The following PCDHGB7 variants were observed in gnomAD, a reference collection of about 807,000 sequenced individuals.
PCDHGB7 encodes protocadherin gamma-B7.
In PCDHGB7, 37 loss-of-function variants were observed where a neutral mutation model predicts 61.4. The ratio of observed to expected loss-of-function variants is 0.60; its 90% CI spans 0.46 to 0.79. PCDHGB7 has a LOEUF of 0.79. Ranked by LOEUF, PCDHGB7 falls within the 30% of genes least tolerant of loss-of-function variation. The pLI, the probability that PCDHGB7 is intolerant of heterozygous loss-of-function variation, is 0.00. For synonymous variants in PCDHGB7, 464 were observed against 503.5 expected (o/e 0.92, Z 1.05); for missense variants, 1,166 against 1,202.5 (o/e 0.97, Z 0.45).
chr5:141,441,840 C>T (rs2098278154), intron 1 of PCDHGB7: 1 of 355,864 alleles, frequency 2.8e-6, no homozygotes, highest in Non-Finnish European at 5.5e-6. Flanking sequence ...GCTTCGCGCT[C>T]TTGGATATGG....
Position 141,487,910 on chromosome 5 carries a change from C to T in PCDHGB7, c.2416-6897C>T, listed in dbSNP as rs2099668803. The T allele has an allele frequency of 3.0e-6, 2 of 661,468 alleles. No individual in the cohort carries two copies. Among genetic ancestry groups the T allele is most frequent in the Non-Finnish European group, 5.1e-6 (2 of 388,904 alleles). The allele number at this position is 661,468 out of a possible 1,614,324, so 41.0% of individuals were successfully genotyped here. ...AGCATGATGATGGAATGTGGGAGCA[C>T]AGGAGGCTACAGTGCACAGGGTACA... On this transcript the variant is annotated intron_variant, in intron 1 of 3. Transcript: ENST00000398594. The surrounding 1 kb of genome is among the most constrained non-coding windows in gnomAD (Gnocchi z 5.0).
chr5:141,455,006 G>A (rs1194194759), intron 1 of PCDHGB7, among the ~76,000 whole-genome samples: 2 of 150,910 alleles, frequency 1.3e-5, no homozygotes, highest in Non-Finnish European at 3.0e-5. Flanking sequence ...TAGAGACGGG[G>A]TTTCACCGTG....
chr5:141,433,837 C>CAAA lies in PCDHGB7; in HGVS notation c.2415+13579_2415+13581dup, dbSNP rs56191208. The stretch of plus-strand genomic sequence containing the variant: ...GGGCAACAAGAGTGAAACTCTATCT[C>CAAA]AAAAAAAAAAAAAAAAAACTTTATC... On this transcript the variant is annotated intron_variant, in intron 1 of 3. Transcript: ENST00000398594. 4.3e-3 allele frequency among the ~76,000 whole-genome samples: 475 copies of CAAA among 111,672 alleles called. 6 individuals carry two copies. The highest frequency in any genetic ancestry group is 0.013 in the African/African-American group (431 of 32,292). The allele number at this position is 111,672 out of a possible 152,430, so 73.3% of individuals were successfully genotyped here.
intron 1 of PCDHGB7, among the ~76,000 whole-genome samples, chr5:141,450,375 A>G (rs1338336573): frequency 1.3e-5 from 2 of 152,166 alleles, no homozygotes; most frequent in Non-Finnish European, 2.9e-5. Context: ...GTTTGTTTAT[A>G]TGAAACTGAC....
intron 1 of PCDHGB7, chr5:141,422,941 G>A (rs777535652): frequency 9.9e-6 from 16 of 1,614,218 alleles, no homozygotes; most frequent in East Asian, 4.5e-5. Context: ...CCCCACAGAC[G>A]GCTCCACTGG....
rs775331499 is a variant in PCDHGB7 at position 141,422,779 on chromosome 5, C to T, written c.2415+2505C>T. The T allele has an allele frequency of 8.7e-6, 14 of 1,614,070 alleles. No homozygotes were observed. In the East Asian group the frequency reaches 2.9e-4, roughly 33 times the overall value. ...CTCCAACACTGGTGTTCTCTATGCC[C>T]TACAATCCTTCGACTATGAGCAGTT... On this transcript the variant is annotated intron_variant, in intron 1 of 3. Transcript: ENST00000398594.
chr5:141,427,469 C>T lies in PCDHGB7; in HGVS notation c.2415+7195C>T, dbSNP rs116302471. The T allele has an allele frequency of 9.8e-3, 5,010 of 510,088 alleles. 35 individuals are homozygous for T. Among genetic ancestry groups the T allele is most frequent in the Non-Finnish European group, 0.012 (3,225 of 262,464 alleles). 31.6% of individuals were successfully genotyped at this position (510,088 alleles called of 1,614,324 possible). A position where few individuals can be genotyped will look rare whatever the true frequency, so the allele number is the denominator to read the frequency against. On this transcript the variant is annotated intron_variant, in intron 1 of 3. Coordinates refer to ENST00000398594, the MANE Select transcript of PCDHGB7 (RefSeq NM_018927.4). Reference sequence around the variant, plus strand: ...GAGTTCCTTTTAGAATCGAATCTTCCGCCAATAATGACTATAAGCTTGTAA... The same window carrying T: ...GAGTTCCTTTTAGAATCGAATCTTCTGCCAATAATGACTATAAGCTTGTAA...
chr5:141,485,935 C>A lies in PCDHGB7; in HGVS notation c.2416-8872C>A. The stretch of plus-strand genomic sequence containing the variant: ...GCTACAGGATTAGTGTGTTGGAGAG[C>A]GCACCAGCGGGCATGGTGCTCATCC... On this transcript the variant is annotated intron_variant, in intron 1 of 3. Coordinates refer to ENST00000398594, the MANE Select transcript of PCDHGB7 (RefSeq NM_018927.4). This position sits in a 1 kb window ranked among gnomAD's most constrained non-coding sequence, Gnocchi z 5.7. The A allele has an allele frequency of 3.1e-6, 5 of 1,614,144 alleles. No homozygotes were observed. Among genetic ancestry groups the A allele is most frequent in the Non-Finnish European group, 3.4e-6 (4 of 1,180,030 alleles).
At chr5:141,450,815 A>ATTAT (rs1554136868) in intron 1 of PCDHGB7, among the ~76,000 whole-genome samples, 98 of 126,742 alleles carry the variant, frequency 7.7e-4, no homozygotes, top group African/African-American at 3.1e-3. Flanking sequence ...TATTTATTTA[A>ATTAT]TATTATTATT....
At chr5:141,473,548 C>A (rs1158305951) in intron 1 of PCDHGB7, among the ~76,000 whole-genome samples, 3 of 152,118 alleles carry the variant, frequency 2.0e-5, no homozygotes, top group South Asian at 2.1e-4. Context: ...TAATGGAAGA[C>A]CTCTATTAGG....
Position 141,489,753 on chromosome 5 carries a change from T to A in PCDHGB7, c.2416-5054T>A, listed in dbSNP as rs549652158. On this transcript the variant is annotated intron_variant, in intron 1 of 3. Transcript: ENST00000398594. The surrounding 1 kb of genome is among the most constrained non-coding windows in gnomAD (Gnocchi z 4.5). ...GCACCAATACTGTGAGCTTTTACAC[T>A]CTAAGCCCCAACAGCCACTTCTCTC... 6.2e-7 allele frequency: 1 copy of A among 1,614,070 alleles called. No homozygotes were observed. The highest frequency in any genetic ancestry group is 2.2e-5 in the East Asian group (1 of 44,866).
At chr5:141,430,149 C>T (rs1051033560) in intron 1 of PCDHGB7, among the ~76,000 whole-genome samples, 4 of 151,968 alleles carry the variant, frequency 2.6e-5, no homozygotes, top group African/African-American at 9.7e-5. Flanking sequence ...CAGGATCATT[C>T]AAGGAATCTA....
chr5:141,491,580 G>A lies in PCDHGB7; in HGVS notation c.2416-3227G>A. 6.2e-7 allele frequency: 1 copy of A among 1,613,942 alleles called. No individual in the cohort carries two copies. Among genetic ancestry groups the A allele is most frequent in the Non-Finnish European group, 8.5e-7 (1 of 1,180,044 alleles). ...ACTGCTACAGGACGTGCTTTTCACC[G>A]GCCTCGGACGGCAGTGACTTCACTT... is the stretch of plus-strand genomic sequence containing the variant. On this transcript the variant is annotated intron_variant, in intron 1 of 3. Coordinates refer to ENST00000398594, the MANE Select transcript of PCDHGB7 (RefSeq NM_018927.4). The surrounding 1 kb of genome is among the most constrained non-coding windows in gnomAD (Gnocchi z 6.9).
At chr5:141,433,358 C>CCTAA (rs1554125965) in intron 1 of PCDHGB7, 1 of 503,368 alleles carries the variant, frequency 2.0e-6, no homozygotes, top group Non-Finnish European at 3.5e-6. Flanking sequence ...CTACTGTCTG[C>CCTAA]CTATCTATCT....
At position 141,487,886 on chromosome 5, in the gene PCDHGB7, G is replaced by A. The variant is rs1208779156; in HGVS notation, c.2416-6921G>A. On this transcript the variant is annotated intron_variant, in intron 1 of 3. Transcript: ENST00000398594. This position sits in a 1 kb window ranked among gnomAD's most constrained non-coding sequence, Gnocchi z 5.0. ...GATCAAGAGCCAGGCTGTTGTGGAA[G>A]CATGATGATGGAATGTGGGAGCACA... is the stretch of plus-strand genomic sequence containing the variant. 1.3e-6 allele frequency: 1 copy of A among 751,316 alleles called. No individual in the cohort carries two copies. The highest frequency in any genetic ancestry group is 2.1e-6 in the Non-Finnish European group (1 of 467,526). The allele number at this position is 751,316 out of a possible 1,614,324, so 46.5% of individuals were successfully genotyped here.
chr5:141,448,211 T>TA (rs2098575794), intron 1 of PCDHGB7, among the ~76,000 whole-genome samples: 1 of 152,212 alleles, frequency 6.6e-6, no homozygotes, highest in East Asian at 1.9e-4. Flanking sequence ...TTTCTGTGTG[T>TA]ATGCGAATGT....
intron 1 of PCDHGB7, among the ~76,000 whole-genome samples, chr5:141,471,035 G>A (rs2099247157): frequency 7.1e-6 from 1 of 141,386 alleles, no homozygotes; most frequent in Admixed American, 7.1e-5. Flanking sequence ...TTATTAACAA[G>A]CCCAAGCCCT....
intron 1 of PCDHGB7, among the ~76,000 whole-genome samples, chr5:141,425,696 A>G (rs1033976807): frequency 1.3e-4 from 20 of 152,242 alleles, no homozygotes; most frequent in African/African-American, 4.3e-4. Context: ...ATCATTTCAT[A>G]GTGGTCAAAA....
At position 141,487,488 on chromosome 5, in the gene PCDHGB7, G is replaced by A; in HGVS notation, c.2416-7319G>A. ...GATGTGGGAGGCCACTCTCATGGCT[G>A]TACACCCTTGGCTTCTGCACCCACT... On this transcript the variant is annotated intron_variant, in intron 1 of 3. Transcript: ENST00000398594. This position sits in a 1 kb window ranked among gnomAD's most constrained non-coding sequence, Gnocchi z 5.0. The A allele has an allele frequency of 6.2e-7, 1 of 1,614,204 alleles. No homozygotes were observed. The highest frequency in any genetic ancestry group is 8.5e-7 in the Non-Finnish European group (1 of 1,180,038).
Sources: gnomAD v4.1 joint callset for allele counts (sites outside exome capture counted in the v4.1 genomes callset) on GRCh38, gnomAD v4.1.1 for gene constraint, Gnocchi (gnomAD v3.1) non-coding constraint, MANE v1.5 for transcripts, NCBI Gene and HGNC (gene_info 2026-07-23, HGNC 2026-07-21) for gene names.